HIVEP1: variants seen among roughly 807,000 people sequenced by gnomAD.
The protein encoded by HIVEP1 is zinc finger protein 40.
A neutral mutation model predicts 180.0 loss-of-function variants in HIVEP1; 36 were observed. The ratio of observed to expected loss-of-function variants is 0.20; its 90% confidence interval spans 0.15 to 0.26. The LOEUF (loss-of-function observed/expected upper bound fraction) is 0.26. Ranked by LOEUF, HIVEP1 falls within the 10% of genes least tolerant of loss-of-function variation. The pLI is 1.00. For missense variants in HIVEP1, 3,143 were observed against 3,268.7 expected (o/e 0.96, Z 0.94); for synonymous variants, 1,239 against 1,239.0 (o/e 1.00, Z 0.00).
intron 2 of HIVEP1, among the ~76,000 whole-genome samples, chr6:12,021,637 C>G (rs1191728631): frequency 6.6e-6 from 1 of 152,184 alleles, no homozygotes; most frequent in Non-Finnish European, 1.5e-5. Flanking sequence ...TTTTGGTCAT[C>G]TGTGTGCAAC....
chr6:12,049,577 G>C (rs1459775703), intron 2 of HIVEP1, among the ~76,000 whole-genome samples: 2 of 152,194 alleles, frequency 1.3e-5, no homozygotes, highest in Non-Finnish European at 2.9e-5. Context: ...ATTTTGTCCA[G>C]TTCTCTGTTC....
intron 7 of HIVEP1, among the ~76,000 whole-genome samples, chr6:12,136,652 A>G (rs1245119526): frequency 6.6e-6 from 1 of 152,208 alleles, no homozygotes; most frequent in Admixed American, 6.5e-5. Flanking sequence ...AGTGCCTTGC[A>G]CTGCTCAGCA....
intron 2 of HIVEP1, among the ~76,000 whole-genome samples, chr6:12,084,799 G>A (rs1367732372): frequency 1.3e-5 from 2 of 152,066 alleles, no homozygotes; most frequent in Non-Finnish European, 2.9e-5. Context: ...GGACGTACGG[G>A]TGCTAGCGCA....
chr6:12,047,061 A>G (rs907107375), intron 2 of HIVEP1, among the ~76,000 whole-genome samples: 68 of 151,960 alleles, frequency 4.5e-4, no homozygotes, highest in African/African-American at 1.6e-3. Flanking sequence ...GGGTTTCACC[A>G]TGTTGGCCAG....
rs766011921 is a variant in HIVEP1 at position 12,122,833 on chromosome 6, A to G, written c.3038A>G (p.Tyr1013Cys). ...PGGLQPQILHYRVAGSSGIWE... is the reference protein window; with the variant it reads ...PGGLQPQILHCRVAGSSGIWE... ...GGTCTGCAGCCTCAGATTCTACACT[A>G]CAGAGTCGCTGGGTCCTCCGGCATC... The change falls in exon 4 of 9, where the codon TAC becomes TGC. Residue 1013 changes from tyrosine (Y) to cysteine (C), a missense_variant. Physicochemically the swap from Tyr to Cys is radical, Grantham distance 194. This residue lies in a region of HIVEP1 where 1,357 missense variants were observed against 1,260.5 expected (regional missense o/e 1.08). Coordinates refer to ENST00000379388, the MANE Select transcript of HIVEP1 (RefSeq NM_002114.4). 25 of 1,614,034 alleles carry G rather than the reference A, an allele frequency of 1.5e-5. No individual in the cohort carries two copies. The South Asian group carries it at 2.2e-4, about 14-fold the overall frequency.
At position 12,122,018 on chromosome 6, in the gene HIVEP1, A is replaced by T; in HGVS notation, c.2223A>T (p.Thr741=). 6.2e-7 allele frequency: 1 copy of T among 1,614,160 alleles called. No individual in the cohort carries two copies. Among genetic ancestry groups the T allele is most frequent in the South Asian group, 1.1e-5 (1 of 91,084 alleles). Residue 741 remains threonine (T), a synonymous_variant, in exon 4 of 9, where the codon ACA becomes ACT. Transcript: ENST00000379388. The part of the protein sequence containing the change: ...LPGQMRPPLA[T]KTLEERISKL... ...GTCAGATGCGCCCACCTTTGGCCAC[A>T]AAAACACTTGAGGAGCGGATATCGA...
intron 3 of HIVEP1, among the ~76,000 whole-genome samples, chr6:12,089,835 T>C (rs1227535895): frequency 1.3e-5 from 2 of 152,000 alleles, no homozygotes; most frequent in African/African-American, 4.8e-5. Context: ...CAAAGTCAAG[T>C]GTGTATACAA....
At chr6:12,036,571 G>A (rs1769288934) in intron 2 of HIVEP1, among the ~76,000 whole-genome samples, 1 of 152,224 alleles carries the variant, frequency 6.6e-6, no homozygotes, top group South Asian at 2.1e-4. Flanking sequence ...CTGTGGTCCT[G>A]TAGGCGGACA....
At chr6:12,203,737 A>G in the HIVEP1 span, among the ~76,000 whole-genome samples, 1 of 152,200 alleles carries the variant, frequency 6.6e-6, no homozygotes, top group Non-Finnish European at 1.5e-5. Flanking sequence ...AAGGTCACTC[A>G]TGTCTAAGAA....
chr6:12,170,060 G>T, the HIVEP1 span, among the ~76,000 whole-genome samples: 1 of 152,194 alleles, frequency 6.6e-6, no homozygotes, highest in South Asian at 2.1e-4. Flanking sequence ...GGCAGAGCTT[G>T]CAGTGAGCTG....
chr6:12,110,979 TG>T (rs1418150552), intron 3 of HIVEP1, among the ~76,000 whole-genome samples: 1 of 152,174 alleles, frequency 6.6e-6, no homozygotes, highest in Non-Finnish European at 1.5e-5. Context: ...TGTTGTGTCT[TG>T]GGTAATAGGC....
chr6:12,013,115 A>C (rs925263949), intron 1 of HIVEP1, among the ~76,000 whole-genome samples: 7 of 151,856 alleles, frequency 4.6e-5, no homozygotes, highest in African/African-American at 1.7e-4. Flanking sequence ...GGCGAGGAGG[A>C]GTCTCAGGGC....
chr6:12,132,473 G>A (rs568756352), intron 6 of HIVEP1, among the ~76,000 whole-genome samples: 1 of 152,076 alleles, frequency 6.6e-6, no homozygotes, highest in Non-Finnish European at 1.5e-5. Flanking sequence ...TATCAAGTAA[G>A]GGCAAAAAAG....
At chr6:12,100,892 A>G (rs1242865444) in intron 3 of HIVEP1, among the ~76,000 whole-genome samples, 3 of 152,194 alleles carry the variant, frequency 2.0e-5, no homozygotes, top group Non-Finnish European at 4.4e-5. Flanking sequence ...AGTATAATGC[A>G]AATATTCCAA....
At chr6:12,099,944 C>A (rs1774013054) in intron 3 of HIVEP1, among the ~76,000 whole-genome samples, 1 of 152,160 alleles carries the variant, frequency 6.6e-6, no homozygotes, top group African/African-American at 2.4e-5. Flanking sequence ...TATGTCGTCA[C>A]AAAAATAAAA....
chr6:12,116,264 A>G (rs1051958178), intron 3 of HIVEP1, among the ~76,000 whole-genome samples: 17 of 152,258 alleles, frequency 1.1e-4, no homozygotes, highest in Admixed American at 1.3e-4. Flanking sequence ...TCATTATCTG[A>G]AAACCCAAGG....
intron 1 of HIVEP1, among the ~76,000 whole-genome samples, chr6:12,012,995 T>C (rs966299156): frequency 6.6e-6 from 1 of 151,562 alleles, no homozygotes; most frequent in African/African-American, 2.4e-5. Context: ...CCAGCTGCAG[T>C]TGGGAAGGGG....
intron 2 of HIVEP1, chr6:12,038,678 GACAACAACA>G (rs141462262): frequency 2.6e-5 from 4 of 151,700 alleles, no homozygotes; most frequent in East Asian, 3.9e-4. Context: ...TCTCAACAAC[GACAACAACA>G]ACAACAACAA....
intron 3 of HIVEP1, among the ~76,000 whole-genome samples, chr6:12,102,180 A>G (rs1774150462): frequency 1.3e-5 from 2 of 152,156 alleles, no homozygotes; most frequent in Admixed American, 1.3e-4. Flanking sequence ...ACTGTTAACA[A>G]TGGATGGAAT....
Sources: allele counts gnomAD v4.1 joint callset (sites outside exome capture counted in the v4.1 genomes callset), GRCh38; gene constraint gnomAD v4.1.1; regional missense constraint gnomAD v4.1.1; transcripts MANE v1.5; gene names NCBI Gene and HGNC (gene_info 2026-07-23, HGNC 2026-07-21).